Variants in PALS2 observed in about 807,000 individuals in gnomAD.
PALS2 encodes the protein protein PALS2.
A neutral mutation model predicts 61.6 loss-of-function variants in PALS2; 27 were observed. The observed-to-expected ratio is 0.44, with a 90% CI of 0.32 to 0.60. PALS2 has a LOEUF of 0.60. Ranked by LOEUF, PALS2 falls within the 20% of genes least tolerant of loss-of-function variation. The pLI is 0.05. For synonymous variants in PALS2, 236 were observed against 218.6 expected (o/e 1.08, Z -0.70); for missense variants, 554 against 639.4 (o/e 0.87, Z 1.44).
intron 9 of PALS2, among the ~76,000 whole-genome samples, chr7:24,676,446 T>C (rs901399121): frequency 1.3e-5 from 2 of 152,124 alleles, no homozygotes; most frequent in Admixed American, 1.3e-4. Context: ...ATGAAGTGCT[T>C]GCCCATGCCT....
intron 5 of PALS2, 109 bp from the exon 6 acceptor site, chr7:24,663,481 C>A: frequency 1.9e-6 from 2 of 1,068,506 alleles, no homozygotes; most frequent in Non-Finnish European, 2.6e-6. Context: ...ATCTGAAGTA[C>A]TAAATACATT....
chr7:24,620,557 A>G (rs985161010), intron 1 of PALS2, among the ~76,000 whole-genome samples: 1 of 152,104 alleles, frequency 6.6e-6, no homozygotes, highest in African/African-American at 2.4e-5. Context: ...AATTTCTTTC[A>G]CTTTTCTACT....
At chr7:24,686,182 T>G (rs1182919244) in intron 11 of PALS2, among the ~76,000 whole-genome samples, 1 of 152,200 alleles carries the variant, frequency 6.6e-6, no homozygotes, top group African/African-American at 2.4e-5. Context: ...TGTAAAAAGC[T>G]AATCCTGATT....
At chr7:24,680,876 G>A (rs1028484937) in intron 11 of PALS2, among the ~76,000 whole-genome samples, 4 of 152,182 alleles carry the variant, frequency 2.6e-5, no homozygotes, top group Admixed American at 2.6e-4. Flanking sequence ...AACTACAGGC[G>A]TGAGCCACCG....
At chr7:24,588,772 C>T (rs1783170296) in intron 1 of PALS2, among the ~76,000 whole-genome samples, 1 of 152,084 alleles carries the variant, frequency 6.6e-6, no homozygotes, top group African/African-American at 2.4e-5. Flanking sequence ...ACAAGGTTTG[C>T]AAGAACTTCT....
intron 1 of PALS2, among the ~76,000 whole-genome samples, chr7:24,606,350 T>C (rs11770717): frequency 0.14 from 21,005 of 152,154 alleles, 1,944 homozygotes; most frequent in East Asian, 0.48. Flanking sequence ...TAATTTGTCT[T>C]CCACAGTTCT....
intron 1 of PALS2, among the ~76,000 whole-genome samples, chr7:24,586,869 A>G (rs1032949990): frequency 5.3e-5 from 8 of 152,084 alleles, no homozygotes; most frequent in African/African-American, 1.9e-4. Context: ...GACATTGCAA[A>G]TTCACCATGA....
At position 24,688,759 on chromosome 7, in the gene PALS2, A is replaced by C. The variant is rs999475709; in HGVS notation, c.*1145A>C. 2 of 149,726 alleles carry C rather than the reference A, an allele frequency of 1.3e-5. No individual in the cohort carries two copies. Among genetic ancestry groups the C allele is most frequent in the Non-Finnish European group, 3.0e-5 (2 of 67,522 alleles). The allele number at this position is 149,726 out of a possible 1,614,324, so 9.3% of individuals were successfully genotyped here. On this transcript the variant is annotated 3_prime_UTR_variant, in exon 12 of 12. Coordinates refer to ENST00000222644, the MANE Select transcript of PALS2 (RefSeq NM_001303037.2). The stretch of plus-strand genomic sequence containing the variant: ...ATATGTATATTATGTATTATATAAT[A>C]TATATAAAATGTTTTGTATATTTTT...
chr7:24,602,086 T>C (rs1455552725), intron 1 of PALS2, among the ~76,000 whole-genome samples: 1 of 152,130 alleles, frequency 6.6e-6, no homozygotes, highest in African/African-American at 2.4e-5. Context: ...AATTTTCTTC[T>C]GTTTTTCTAC....
At chr7:24,604,957 A>G (rs557987507) in intron 1 of PALS2, among the ~76,000 whole-genome samples, 68 of 152,294 alleles carry the variant, frequency 4.5e-4, no homozygotes, top group Non-Finnish European at 7.6e-4. Context: ...ACAGAGTCAC[A>G]CTGTTCTTAC....
chr7:24,624,097 T>G, intron 2 of PALS2: 1 of 1,322,194 alleles, frequency 7.6e-7, no homozygotes, highest in South Asian at 1.2e-5. Context: ...ATTTCCATTT[T>G]CAACAATGGC....
At chr7:24,609,829 T>G (rs1048568125) in intron 1 of PALS2, among the ~76,000 whole-genome samples, 9 of 152,158 alleles carry the variant, frequency 5.9e-5, no homozygotes, top group Non-Finnish European at 1.0e-4. Context: ...TATATGCGAT[T>G]CCTTAATGGC....
intron 5 of PALS2, among the ~76,000 whole-genome samples, chr7:24,651,091 G>C (rs1786127319): frequency 6.6e-6 from 1 of 152,120 alleles, no homozygotes; most frequent in Non-Finnish European, 1.5e-5. Context: ...CCAGCTTAGT[G>C]TTTGTGTCAT....
At position 24,584,398 on chromosome 7, in the gene PALS2, T is replaced by G. The variant is rs1365235017; in HGVS notation, c.-3+10805T>G. 1.4e-4 allele frequency among the ~76,000 whole-genome samples: 21 copies of G among 151,620 alleles called. No individual in the cohort carries two copies. In the East Asian group the frequency reaches 3.3e-3, roughly 24 times the overall value. ...ATCTCATTGTGGTTTTGATTTGCCTTTCTCTGATGGCCAGTGATGATGAGC... is the reference window on the plus strand; with the variant it reads ...ATCTCATTGTGGTTTTGATTTGCCTGTCTCTGATGGCCAGTGATGATGAGC... On this transcript the variant is annotated intron_variant, in intron 1 of 11. Transcript: ENST00000222644.
At chr7:24,582,963 C>T (rs151310606) in intron 1 of PALS2, among the ~76,000 whole-genome samples, 1,517 of 130,772 alleles carry the variant, frequency 0.012, 25 homozygotes, top group African/African-American at 0.041. Flanking sequence ...GGCGTGATCT[C>T]GGCTCACTGC....
chr7:24,635,563 A>G (rs569280001), intron 2 of PALS2, among the ~76,000 whole-genome samples: 2 of 152,250 alleles, frequency 1.3e-5, no homozygotes, highest in Admixed American at 6.5e-5. Context: ...TGTCCTGGCT[A>G]TAACCTCCAG....
At position 24,651,418 on chromosome 7, in the gene PALS2, C is replaced by T. The variant is rs80059393; in HGVS notation, c.651+706C>T. On this transcript the variant is annotated intron_variant, in intron 5 of 11. Coordinates refer to ENST00000222644, the MANE Select transcript of PALS2 (RefSeq NM_001303037.2). ...GCTGCCAGTTATCAGCTTACCTTCT[C>T]TGTGCTTCATTTTTCTCATCTATAT... 5.2e-3 allele frequency among the ~76,000 whole-genome samples: 791 copies of T among 152,236 alleles called. 7 individuals carry two copies. Among genetic ancestry groups the T allele is most frequent in the Non-Finnish European group, 8.4e-3 (571 of 68,016 alleles).
intron 1 of PALS2, among the ~76,000 whole-genome samples, chr7:24,585,358 C>T (rs1783020889): frequency 1.3e-5 from 2 of 151,992 alleles, no homozygotes; most frequent in African/African-American, 4.8e-5. Flanking sequence ...GTTTGTAGTT[C>T]TCCTTGAAGA....
Position 24,668,402 on chromosome 7 carries a change from C to G in PALS2, c.953-97C>G. ...TGGGTACAAGTCAAGTGATATTTAA[C>G]TATCAAGACAGCTAAGCCATTACTA... is the stretch of plus-strand genomic sequence containing the variant. On this transcript the variant is annotated intron_variant, in intron 8 of 11. Coordinates refer to ENST00000222644, the MANE Select transcript of PALS2 (RefSeq NM_001303037.2). The G allele has an allele frequency of 5.2e-6, 6 of 1,146,186 alleles. No individual in the cohort carries two copies. In the Middle Eastern group the frequency reaches 8.2e-4, roughly 156 times the overall value. 71.0% of individuals were successfully genotyped at this position (1,146,186 alleles called of 1,614,324 possible).
Sources: gnomAD v4.1 joint callset for allele counts (sites outside exome capture counted in the v4.1 genomes callset) on GRCh38, gnomAD v4.1.1 for gene constraint, MANE v1.5 for transcripts, NCBI Gene and HGNC (gene_info 2026-07-23, HGNC 2026-07-21) for gene names.